Variants in GPN3 observed in about 807,000 individuals in gnomAD.
GPN3 encodes ATP-binding domain 1 family member C.
In GPN3, 31 loss-of-function variants were observed where a neutral mutation model predicts 38.7. The ratio of observed to expected loss-of-function variants is 0.80; its 90% CI spans 0.60 to 1.08. The LOEUF is 1.08. Ranked by LOEUF, GPN3 falls within the 50% of genes least tolerant of loss-of-function variation. The probability of loss-of-function intolerance (pLI) is 0.00; values close to 1 mark genes in which losing one functional copy is unlikely to be tolerated. For missense variants in GPN3, 301 were observed against 354.4 expected, an observed-to-expected ratio of 0.85 and a Z score of 1.21; for synonymous variants, 116 against 120.2, an observed-to-expected ratio of 0.96 and a Z score of 0.23.
At chr12:110,461,168 G>A in intron 2 of GPN3, 1 of 1,291,620 alleles carries the variant, frequency 7.7e-7, no homozygotes, top group Admixed American at 1.7e-5. Context: ...GGGAACTCCA[G>A]ATGTGCGCAT....
chr12:110,464,413 G>A (rs750584388), intron 2 of GPN3, among the ~76,000 whole-genome samples: 3 of 151,812 alleles, frequency 2.0e-5, no homozygotes, highest in African/African-American at 4.8e-5. Flanking sequence ...CTATAACTCC[G>A]GTGTCTGGCG....
chr12:110,457,053 T>C (rs2062555157), intron 4 of GPN3, among the ~76,000 whole-genome samples: 1 of 152,008 alleles, frequency 6.6e-6, no homozygotes, highest in Non-Finnish European at 1.5e-5. Flanking sequence ...ATATAATAAT[T>C]TACTATTTTT....
At chr12:110,461,709 T>C (rs2062591303) in intron 2 of GPN3, among the ~76,000 whole-genome samples, 1 of 152,176 alleles carries the variant, frequency 6.6e-6, no homozygotes, top group African/African-American at 2.4e-5. Context: ...TTACTTATTT[T>C]TGTGCTCAAA....
chr12:110,460,430 A>T (rs1565844039), intron 2 of GPN3, among the ~76,000 whole-genome samples: 1 of 152,160 alleles, frequency 6.6e-6, no homozygotes, highest in Non-Finnish European at 1.5e-5. Context: ...AAAAAAGAAA[A>T]CAGATTACCA....
chr12:110,453,126 T>C (rs1261655273), intron 7 of GPN3, 30 bp from the exon 8 acceptor site: 1 of 1,060,320 alleles, frequency 9.4e-7, no homozygotes. Flanking sequence ...AAATAGAAAA[T>C]ATATTCATTT....
chr12:110,466,446 T>C (rs1170101617), intron 1 of GPN3, among the ~76,000 whole-genome samples: 1 of 151,914 alleles, frequency 6.6e-6, no homozygotes, highest in East Asian at 1.9e-4. Context: ...GTCCTCTCAG[T>C]GCCTTTACAC....
chr12:110,457,784 T>G (rs1228007540), intron 3 of GPN3, 150 bp from the exon 4 acceptor site: 1 of 500,960 alleles, frequency 2.0e-6, no homozygotes, highest in Non-Finnish European at 3.6e-6. Context: ...TCATAAAACC[T>G]AAGGTACTGC....
chr12:110,466,154 TC>T (rs2062626004), intron 1 of GPN3, among the ~76,000 whole-genome samples: 1 of 152,140 alleles, frequency 6.6e-6, no homozygotes, highest in Non-Finnish European at 1.5e-5. Flanking sequence ...TTATTCAGTT[TC>T]CCAAGCACAG....
chr12:110,461,393 A>T, intron 2 of GPN3: 1 of 592,556 alleles, frequency 1.7e-6, no homozygotes, highest in Non-Finnish European at 3.0e-6. Context: ...AAATAAAGTT[A>T]TAAAATTGAA....
At chr12:110,459,616 T>C in intron 3 of GPN3, 79 bp downstream of exon 3, 3 of 947,252 alleles carry the variant, frequency 3.2e-6, no homozygotes, top group South Asian at 2.9e-5. Flanking sequence ...GAGCTACAAA[T>C]ACTCACTCTC....
At chr12:110,465,263 C>G (rs748775839) in intron 1 of GPN3, 49 bp from the exon 2 acceptor site, 3 of 1,012,216 alleles carry the variant, frequency 3.0e-6, no homozygotes, top group Admixed American at 1.7e-5. Flanking sequence ...TAGTGTAGTG[C>G]TACCTTCCAT....
chr12:110,464,758 G>A (rs12579800), intron 2 of GPN3: 51,413 of 238,334 alleles, frequency 0.22, 8,077 homozygotes, highest in African/African-American at 0.51. Context: ...ACACCCAGCT[G>A]ATTTTTTTGT....
In GPN3 at chr12:110,459,909, T is replaced by C. The variant is rs779502179; in HGVS notation, c.158-47A>G. 5 of 1,455,446 alleles carry C rather than the reference T, an allele frequency of 3.4e-6. No homozygotes were observed. In the East Asian group the frequency reaches 9.1e-5, roughly 27 times the overall value. 90.2% of individuals were successfully genotyped at this position (1,455,446 alleles called of 1,614,324 possible). On this transcript the variant is annotated intron_variant, in intron 2 of 7. Coordinates refer to ENST00000228827, the MANE Select transcript of GPN3 (RefSeq NM_016301.4). ...CAGAATATATGTGTCCCTTCAAAAA[T>C]TGTTATCCTTACTAGAAATAGAACA...
chr12:110,461,419 A>G, intron 2 of GPN3: 1 of 596,016 alleles, frequency 1.7e-6, no homozygotes, highest in Non-Finnish European at 2.9e-6. Context: ...AAAAGACTCC[A>G]TCTCAAACAA....
intron 6 of GPN3, 32 bp from the exon 7 acceptor site, chr12:110,453,903 T>G (rs767410569): frequency 6.4e-7 from 1 of 1,568,272 alleles, no homozygotes; most frequent in South Asian, 1.2e-5. Context: ...AAAAGTTCAT[T>G]CTGAAGTTGT....
At chr12:110,460,095 A>C (rs1161680884) in intron 2 of GPN3, among the ~76,000 whole-genome samples, 1 of 152,246 alleles carries the variant, frequency 6.6e-6, no homozygotes, top group Non-Finnish European at 1.5e-5. Context: ...AATCTCTTTA[A>C]GTATTAATAA....
intron 6 of GPN3, among the ~76,000 whole-genome samples, chr12:110,454,356 A>G (rs899940496): frequency 7.2e-5 from 11 of 151,940 alleles, no homozygotes; most frequent in African/African-American, 2.4e-4. Flanking sequence ...GGTGTTTAGG[A>G]AAAAAACCCA....
rs1181545625 is a variant in GPN3, at chr12:110,453,004, C to A, written c.*30G>T. On this transcript the variant is annotated 3_prime_UTR_variant, in exon 8 of 8. Transcript: ENST00000228827. ...AATGTTCTGCTGGTTTGGCCACAAG[C>A]TCTTTAGATGGTTACTTTTAGTAAA... 1.1e-6 allele frequency: 1 copy of A among 942,704 alleles called. No homozygotes were observed. Among genetic ancestry groups the A allele is most frequent in the East Asian group, 2.4e-5 (1 of 41,848 alleles). 58.4% of individuals were successfully genotyped at this position (942,704 alleles called of 1,614,324 possible).
At position 110,457,589 on chromosome 12, in the gene GPN3, A is replaced by G. The variant is rs1017957923; in HGVS notation, c.371T>C (p.Val124Ala). 4 of 1,607,482 alleles carry G rather than the reference A, an allele frequency of 2.5e-6. No individual in the cohort carries two copies. The African/African-American group carries it at 5.4e-5, about 22-fold the overall frequency. The change falls in exon 4 of 8, where the codon GTC becomes GCC. Residue 124 changes from valine (V) to alanine (A), a missense_variant. Val to Ala is a moderately conservative substitution (Grantham distance 64, BLOSUM62 0). Transcript: ENST00000228827. ...GAACTCCCACTGCTCGAGCTGCTGG[A>G]CCAGCTGTTTCATCACAGGCAGGTG... ...YTHLPVMKQL[V>A]QQLEQWEFRV...
Sources: gnomAD v4.1 joint callset for allele counts (sites outside exome capture counted in the v4.1 genomes callset) on GRCh38, gnomAD v4.1.1 for gene constraint, MANE v1.5 for transcripts, NCBI Gene and HGNC (gene_info 2026-07-23, HGNC 2026-07-21) for gene names.